CSMD1: variants seen among roughly 807,000 people sequenced by gnomAD.
CSMD1 encodes CUB and sushi domain-containing protein 1.
Under a neutral mutation model 417.5 loss-of-function variants are expected in CSMD1, and 213 were observed. That is an observed-to-expected ratio of 0.51 (90% confidence interval 0.46 to 0.57). The LOEUF (loss-of-function observed/expected upper bound fraction) is 0.57, where lower values mean the gene tolerates loss of function less well. Among genes scored for constraint, CSMD1 ranks in the 20% least tolerant of loss-of-function variants. The pLI is 0.00. For missense variants in CSMD1, 6,923 were observed against 4,529.7 expected, an observed-to-expected ratio of 1.53 and a Z score of -15.17; for synonymous variants, 2,862 against 1,736.8, an observed-to-expected ratio of 1.65 and a Z score of -16.11.
At chr8:3,613,036 A>G (rs551463078) in intron 8 of CSMD1, among the ~76,000 whole-genome samples, 160 of 152,194 alleles carry the variant, frequency 1.1e-3, no homozygotes, top group African/African-American at 3.8e-3. Context: ...GTTAATAGGC[A>G]GATGGAACAA....
chr8:4,087,462 T>C (rs894136915), intron 3 of CSMD1, among the ~76,000 whole-genome samples: 3 of 152,186 alleles, frequency 2.0e-5, no homozygotes, highest in Admixed American at 6.5e-5. Flanking sequence ...ACCCAACTTC[T>C]GTCCCTTTTC....
At chr8:4,351,975 A>C (rs1332416800) in intron 3 of CSMD1, among the ~76,000 whole-genome samples, 1 of 151,732 alleles carries the variant, frequency 6.6e-6, no homozygotes, top group Non-Finnish European at 1.5e-5. Flanking sequence ...CAGAAAAAAA[A>C]ATGAGTGGCT....
intron 5 of CSMD1, among the ~76,000 whole-genome samples, chr8:3,765,247 G>A (rs546129941): frequency 4.6e-5 from 7 of 151,960 alleles, no homozygotes. Flanking sequence ...TCCTGCTTTC[G>A]CCCTTGATCC....
chr8:3,789,310 T>C (rs1190113993), intron 5 of CSMD1, among the ~76,000 whole-genome samples: 1 of 151,974 alleles, frequency 6.6e-6, no homozygotes, highest in African/African-American at 2.4e-5. Flanking sequence ...ATATTTATTG[T>C]GACAGCCCCA....
chr8:4,426,395 C>A (rs1384023892), intron 2 of CSMD1, among the ~76,000 whole-genome samples: 4 of 148,604 alleles, frequency 2.7e-5, no homozygotes, highest in African/African-American at 7.4e-5. Context: ...ATATAGTAAA[C>A]CTTTTTATAT....
chr8:3,719,789 T>A (rs186588634), intron 6 of CSMD1, among the ~76,000 whole-genome samples: 35 of 152,276 alleles, frequency 2.3e-4, no homozygotes, highest in African/African-American at 8.2e-4. Context: ...CAGTTCTACG[T>A]GTGTCCAGCT....
At chr8:4,390,191 G>C (rs1051403343) in intron 3 of CSMD1, among the ~76,000 whole-genome samples, 2 of 152,108 alleles carry the variant, frequency 1.3e-5, no homozygotes, top group African/African-American at 4.8e-5. Context: ...AGTCTGGCTG[G>C]TATAAACATG....
At chr8:4,295,333 C>T (rs1797615502) in intron 3 of CSMD1, among the ~76,000 whole-genome samples, 2 of 123,450 alleles carry the variant, frequency 1.6e-5, no homozygotes, top group African/African-American at 2.7e-5. Flanking sequence ...CACATATAAT[C>T]TTAAGATTAT....
At chr8:3,999,165 T>C (rs1815461993) in intron 4 of CSMD1, among the ~76,000 whole-genome samples, 1 of 151,990 alleles carries the variant, frequency 6.6e-6, no homozygotes, top group Non-Finnish European at 1.5e-5. Context: ...TCTTTCTTCT[T>C]TTTCTTTCTT....
chr8:4,031,612 T>G (rs192910960), intron 4 of CSMD1, among the ~76,000 whole-genome samples: 2 of 151,888 alleles, frequency 1.3e-5, no homozygotes, highest in Non-Finnish European at 2.9e-5. Flanking sequence ...GCTATTGACT[T>G]TATGTGGTCC....
At chr8:3,601,047 C>T (rs973255333) in intron 8 of CSMD1, among the ~76,000 whole-genome samples, 5 of 152,084 alleles carry the variant, frequency 3.3e-5, no homozygotes, top group Admixed American at 1.3e-4. Context: ...TCATTCATCC[C>T]GCATGATATC....
intron 23 of CSMD1, among the ~76,000 whole-genome samples, chr8:3,313,260 T>C (rs1355594090): frequency 1.3e-5 from 2 of 152,068 alleles, no homozygotes; most frequent in Non-Finnish European, 2.9e-5. Context: ...AAACCCAAAA[T>C]TGACAAATGG....
chr8:3,782,526 G>C (rs1362748737), intron 5 of CSMD1, among the ~76,000 whole-genome samples: 1 of 152,194 alleles, frequency 6.6e-6, no homozygotes, highest in African/African-American at 2.4e-5. Context: ...GGGATAGCAT[G>C]AGGAGAAATA....
At chr8:3,924,732 T>G (rs1363562310) in intron 5 of CSMD1, among the ~76,000 whole-genome samples, 3 of 151,904 alleles carry the variant, frequency 2.0e-5, no homozygotes, top group Admixed American at 2.0e-4. Context: ...GTTCACCTCT[T>G]TGTTGAACTA....
intron 12 of CSMD1, among the ~76,000 whole-genome samples, chr8:3,437,223 G>A (rs1048458342): frequency 2.6e-5 from 4 of 152,146 alleles, no homozygotes; most frequent in Non-Finnish European, 5.9e-5. Flanking sequence ...TTGCTCACTT[G>A]ATTTGATGTA....
chr8:4,201,201 C>T (rs138075952), intron 3 of CSMD1, among the ~76,000 whole-genome samples: 1 of 152,072 alleles, frequency 6.6e-6, no homozygotes, highest in Non-Finnish European at 1.5e-5. Flanking sequence ...GGAGGTGATC[C>T]AATACATGGC....
At chr8:3,504,759 G>A (rs746498615) in intron 10 of CSMD1, among the ~76,000 whole-genome samples, 1 of 152,034 alleles carries the variant, frequency 6.6e-6, no homozygotes, top group Admixed American at 6.6e-5. Flanking sequence ...TCTTAAGTGT[G>A]GTTTTCACAA....
intron 3 of CSMD1, among the ~76,000 whole-genome samples, chr8:4,111,688 A>C (rs891652322): frequency 1.3e-5 from 2 of 152,210 alleles, no homozygotes; most frequent in Non-Finnish European, 2.9e-5. Flanking sequence ...CAAACACCAC[A>C]TGTTCTCACT....
intron 3 of CSMD1, among the ~76,000 whole-genome samples, chr8:4,176,536 T>C (rs1431152148): frequency 1.3e-5 from 2 of 152,126 alleles, no homozygotes; most frequent in South Asian, 2.1e-4. Flanking sequence ...ATCACCATTC[T>C]GATCCCTACT....
Sources: allele counts gnomAD v4.1 joint callset (sites outside exome capture counted in the v4.1 genomes callset), GRCh38; gene constraint gnomAD v4.1.1; transcripts MANE v1.5; gene names NCBI Gene and HGNC (gene_info 2026-07-23, HGNC 2026-07-21).